The following SRSF1 variants were observed in gnomAD, a reference collection of about 807,000 sequenced individuals.
SRSF1 encodes the protein serine and arginine rich splicing factor 1, also known as serine/arginine-rich splicing factor 1.
In SRSF1, 1 loss-of-function variant was observed where a neutral mutation model predicts 25.9. The ratio of observed to expected loss-of-function variants is 0.04; its 90% CI spans 0.01 to 0.18. The LOEUF is 0.18. Among genes scored for constraint, SRSF1 ranks in the 10% least tolerant of loss-of-function variants. SRSF1 has a pLI of 1.00. For missense variants in SRSF1, 65 were observed against 350.5 expected, an observed-to-expected ratio of 0.19 and a Z score of 6.50; for synonymous variants, 132 against 126.2, an observed-to-expected ratio of 1.05 and a Z score of -0.31.
At chr17:57,989,124 C>T in the SRSF1 span, 4 of 398,134 alleles carry the variant, frequency 1.0e-5, no homozygotes, top group Non-Finnish European at 1.8e-5. Context: ...GGTTGGACAG[C>T]GTCAGATGTC....
chr17:58,006,738 G>C, intron 1 of SRSF1: 1 of 875,904 alleles, frequency 1.1e-6, no homozygotes. Context: ...GCTCCAGCCT[G>C]CGAATGGGCT....
chr17:57,999,765 A>C (rs752626640), downstream of SRSF1, among the ~76,000 whole-genome samples: 1 of 152,200 alleles, frequency 6.6e-6, no homozygotes, highest in African/African-American at 2.4e-5. Flanking sequence ...AACAAACAAA[A>C]AAAATTAAGA....
At chr17:57,990,950 G>A in the SRSF1 span, 2 of 152,128 alleles carry the variant, frequency 1.3e-5, no homozygotes, top group Admixed American at 6.6e-5. Context: ...GGTCACCTGT[G>A]GATTTAATGA....
chr17:57,997,344 G>A (rs775041171), downstream of SRSF1, among the ~76,000 whole-genome samples: 3 of 152,142 alleles, frequency 2.0e-5, no homozygotes, highest in East Asian at 1.9e-4. Flanking sequence ...CCCAGTTAAC[G>A]AATAGCTTGT....
the SRSF1 span, among the ~76,000 whole-genome samples, chr17:57,995,918 G>C: frequency 6.6e-6 from 1 of 152,032 alleles, no homozygotes; most frequent in Non-Finnish European, 1.5e-5. Context: ...CAAGGTGGGA[G>C]GCCTGCTTAA....
chr17:57,989,922 C>CT, the SRSF1 span: 1 of 395,452 alleles, frequency 2.5e-6, no homozygotes, highest in Non-Finnish European at 4.5e-6. Flanking sequence ...AAACTAAAAC[C>CT]TTTGTGTTCT....
In SRSF1 at chr17:58,000,973, G is replaced by A. The variant is rs1371009470; in HGVS notation, c.*4433C>T. On this transcript the variant is annotated 3_prime_UTR_variant, in exon 4 of 4. Transcript: ENST00000258962. ...CAACAACAGAAAATCTTTTGTTTTC[G>A]TAGTTTTTGGATTTCAAAAAATGGA... Among the ~76,000 whole-genome samples the A allele has an allele frequency of 1.3e-5, 2 of 152,064 alleles. No homozygotes were observed. Among genetic ancestry groups the A allele is most frequent in the East Asian group, 1.9e-4 (1 of 5,196 alleles).
rs778572225 is a variant in SRSF1, at chr17:58,005,994, TTC to T, written c.380-23_380-22del. On this transcript the variant is annotated intron_variant, in intron 2 of 3. Transcript: ENST00000258962. This position sits in a 1 kb window ranked among gnomAD's most constrained non-coding sequence, Gnocchi z 5.2. ...CAGTCCTGAAAAAGTGATTTTTTTT[TTC>T]TTAGTACCAATTATCTTAAATTTCA... The T allele has an allele frequency of 1.2e-6, 2 of 1,602,638 alleles. No individual in the cohort carries two copies. The highest frequency in any genetic ancestry group is 3.4e-5 in the Admixed American group (2 of 59,464).
intron 1 of SRSF1, 176 bp from the exon 2 acceptor site, chr17:58,006,703 C>T (rs1226030280): frequency 3.3e-6 from 3 of 907,908 alleles, no homozygotes; most frequent in East Asian, 2.7e-5. Context: ...AACCACTACA[C>T]CAGCCCTCAG....
At chr17:57,990,641 C>CTA in the SRSF1 span, 1 of 152,224 alleles carries the variant, frequency 6.6e-6, no homozygotes, top group African/African-American at 2.4e-5. Context: ...CTTCCACAGA[C>CTA]TATATACTGG....
chr17:57,989,911 T>TAA, the SRSF1 span: 2 of 396,390 alleles, frequency 5.0e-6, no homozygotes, highest in Non-Finnish European at 8.9e-6. Flanking sequence ...ATTAACTAAG[T>TAA]AAACTAAAAC....
At chr17:58,006,883 G>A (rs2075433775) in intron 1 of SRSF1, 61 bp downstream of exon 1, 2 of 1,583,430 alleles carry the variant, frequency 1.3e-6, no homozygotes, top group Non-Finnish European at 1.7e-6. Flanking sequence ...TTAAGGCCTT[G>A]GAGCCTTCCC....
In SRSF1 at chr17:58,005,256, A is replaced by G; in HGVS notation, c.*150T>C. ...TATCAAAGACACGAAGGGAATGTAG[A>G]TGTTAGGAGCAAGGGGATATTACAA... is the stretch of plus-strand genomic sequence containing the variant. On this transcript the variant is annotated 3_prime_UTR_variant, in exon 4 of 4. Coordinates refer to ENST00000258962, the MANE Select transcript of SRSF1 (RefSeq NM_006924.5). The surrounding 1 kb of genome is among the most constrained non-coding windows in gnomAD (Gnocchi z 5.2). 2 of 749,810 alleles carry G rather than the reference A, an allele frequency of 2.7e-6. No homozygotes were observed. The highest frequency in any genetic ancestry group is 4.3e-6 in the Non-Finnish European group (2 of 461,806). 46.4% of individuals were successfully genotyped at this position (749,810 alleles called of 1,614,324 possible). A position where few individuals can be genotyped will look rare whatever the true frequency, so the allele number is the denominator to read the frequency against.
chr17:57,996,500 A>AAAAAAAC (rs386386344), downstream of SRSF1, among the ~76,000 whole-genome samples: 1 of 151,272 alleles, frequency 6.6e-6, no homozygotes, highest in Non-Finnish European at 1.5e-5. Context: ...AAAAAAAAAA[A>AAAAAAAC]AAACAGCCTT....
chr17:58,006,579 C>T (rs1444932199), intron 1 of SRSF1, 52 bp from the exon 2 acceptor site: 2 of 1,540,336 alleles, frequency 1.3e-6, no homozygotes, highest in African/African-American at 1.4e-5. Flanking sequence ...AGGAGAAGCT[C>T]GCTCAGTTGG....
chr17:58,005,906 A>G lies in SRSF1; in HGVS notation c.447T>C (p.Tyr149=), dbSNP rs748166501. 2.5e-6 allele frequency: 4 copies of G among 1,614,070 alleles called. No homozygotes were observed. Among genetic ancestry groups the G allele is most frequent in the African/African-American group, 1.3e-5 (1 of 75,054 alleles). The change falls in exon 3 of 4, where the codon TAT becomes TAC. Residue 149 remains tyrosine, a synonymous_variant. Coordinates refer to ENST00000258962, the MANE Select transcript of SRSF1 (RefSeq NM_006924.5). This position sits in a 1 kb window ranked among gnomAD's most constrained non-coding sequence, Gnocchi z 5.2. ...DHMREAGDVC[Y]ADVYRDGTGV... ...CAGTGCCATCTCGGTAAACATCAGCATAACATACATCACCTGCTTCACGCA... is the reference window on the plus strand; with the variant it reads ...CAGTGCCATCTCGGTAAACATCAGCGTAACATACATCACCTGCTTCACGCA...
At chr17:58,006,307 T>C (rs1466566453) in intron 2 of SRSF1, 36 bp downstream of exon 2, 2 of 1,555,918 alleles carry the variant, frequency 1.3e-6, no homozygotes, top group African/African-American at 1.4e-5. Context: ...GTAGTTTTCG[T>C]CCCTTCACAT....
rs2075402865 is a variant in SRSF1, at chr17:58,003,014, A to G, written c.*2392T>C. ...AGAACAGAGCGAGACTCTGTCTCAA[A>G]AACAAAAAACAGTTCTAATACATCT... On this transcript the variant is annotated 3_prime_UTR_variant, in exon 4 of 4. Transcript: ENST00000258962. Among the ~76,000 whole-genome samples, 1 of 152,226 alleles carries G rather than the reference A, an allele frequency of 6.6e-6. No homozygotes were observed. The highest frequency in any genetic ancestry group is 6.5e-5 in the Admixed American group (1 of 15,282).
downstream of SRSF1, among the ~76,000 whole-genome samples, chr17:57,998,221 C>CA (rs913442492): frequency 2.0e-4 from 30 of 151,554 alleles, no homozygotes; most frequent in Admixed American, 7.9e-4. Context: ...AAAACAAAGA[C>CA]AAAAAAAATG....
Sources: gnomAD v4.1 joint callset for allele counts (sites outside exome capture counted in the v4.1 genomes callset) on GRCh38, gnomAD v4.1.1 for gene constraint, Gnocchi (gnomAD v3.1) non-coding constraint, MANE v1.5 for transcripts, NCBI Gene and HGNC (gene_info 2026-07-23, HGNC 2026-07-21) for gene names.